RIPOR3: variants seen among roughly 807,000 people sequenced by gnomAD.
The protein encoded by RIPOR3 is RIPOR family member 3, also known as family with sequence similarity 65 member C.
In RIPOR3, 95 loss-of-function variants were observed where a neutral mutation model predicts 114.3. The ratio of observed to expected loss-of-function variants is 0.83; its 90% CI spans 0.70 to 0.99. The LOEUF is 0.99. RIPOR3 is among the 50% of genes least tolerant of loss of function. The probability of loss-of-function intolerance (pLI) is 0.00; values close to 1 mark genes in which losing one functional copy is unlikely to be tolerated. For synonymous variants in RIPOR3, 575 were observed against 543.8 expected (o/e 1.06, Z -0.80); for missense variants, 1,252 against 1,266.9 (o/e 0.99, Z 0.18).
intron 11 of RIPOR3, among the ~76,000 whole-genome samples, chr20:50,605,153 G>A (rs748297187): frequency 9.9e-5 from 15 of 152,092 alleles, no homozygotes; most frequent in East Asian, 5.8e-4. Flanking sequence ...GGCTGGTCTC[G>A]AACTTCTGGG....
At chr20:50,651,483 A>C (rs13043463) in intron 1 of RIPOR3, among the ~76,000 whole-genome samples, 22,052 of 152,082 alleles carry the variant, frequency 0.15, 1,694 homozygotes, top group East Asian at 0.2. Context: ...ACCAATACAT[A>C]CTCTGTCAAG....
At chr20:50,659,120 T>C (rs1028108337) in intron 1 of RIPOR3, among the ~76,000 whole-genome samples, 1 of 152,218 alleles carries the variant, frequency 6.6e-6, no homozygotes, top group African/African-American at 2.4e-5. Context: ...TAAAACCCTT[T>C]TCCTGGTATG....
chr20:50,616,191 G>C (rs2084167261), intron 3 of RIPOR3, 111 bp from the exon 4 acceptor site: 1 of 1,051,284 alleles, frequency 9.5e-7, no homozygotes, highest in African/African-American at 1.6e-5. Flanking sequence ...GGCTCAGCGG[G>C]GCTCAGAGGC....
intron 1 of RIPOR3, among the ~76,000 whole-genome samples, chr20:50,685,196 T>C (rs534610834): frequency 3.0e-4 from 46 of 151,964 alleles, no homozygotes; most frequent in African/African-American, 1.0e-3. Flanking sequence ...AACTGAGCCC[T>C]TCTTGAGAGC....
intron 1 of RIPOR3, among the ~76,000 whole-genome samples, chr20:50,665,174 C>T (rs950394479): frequency 1.6e-4 from 24 of 151,688 alleles, no homozygotes; most frequent in African/African-American, 5.6e-4. Context: ...CGGTGGCTCA[C>T]GCCTGTAATC....
intron 13 of RIPOR3, among the ~76,000 whole-genome samples, chr20:50,597,995 C>G (rs1207276646): frequency 2.6e-5 from 4 of 152,210 alleles, no homozygotes; most frequent in African/African-American, 9.6e-5. Context: ...GGGGACAAGG[C>G]CAATGGCAGG....
chr20:50,642,535 G>A (rs1279334887), intron 1 of RIPOR3, among the ~76,000 whole-genome samples: 1 of 151,806 alleles, frequency 6.6e-6, no homozygotes, highest in Admixed American at 6.6e-5. Context: ...AATTCCCTGG[G>A]GGAGAAGCTT....
intron 1 of RIPOR3, among the ~76,000 whole-genome samples, chr20:50,650,235 C>T (rs912360122): frequency 3.3e-5 from 5 of 152,116 alleles, no homozygotes; most frequent in African/African-American, 9.7e-5. Context: ...ACCAGGCCTC[C>T]ACCCTCGAGA....
At chr20:50,668,374 G>A (rs2086332274) in intron 1 of RIPOR3, among the ~76,000 whole-genome samples, 1 of 152,094 alleles carries the variant, frequency 6.6e-6, no homozygotes, top group Admixed American at 6.6e-5. Flanking sequence ...TGGTCCCCTG[G>A]TGGTGCCAAC....
intron 1 of RIPOR3, 29 bp downstream of exon 1, chr20:50,691,097 C>T: frequency 2.3e-6 from 3 of 1,289,486 alleles, no homozygotes; most frequent in Non-Finnish European, 3.0e-6. Flanking sequence ...CGTCACGGCA[C>T]ACATGGGGAG....
At chr20:50,612,080 G>A (rs966707782) in intron 4 of RIPOR3, among the ~76,000 whole-genome samples, 3 of 150,034 alleles carry the variant, frequency 2.0e-5, no homozygotes, top group African/African-American at 4.9e-5. Flanking sequence ...ATCTAAGACC[G>A]TGCCACTGTA....
intron 1 of RIPOR3, among the ~76,000 whole-genome samples, chr20:50,679,179 T>A (rs199800835): frequency 2.0e-5 from 2 of 101,782 alleles, no homozygotes; most frequent in South Asian, 3.3e-4. Flanking sequence ...GAGAGAGAGA[T>A]ACACATATAA....
intron 1 of RIPOR3, among the ~76,000 whole-genome samples, chr20:50,663,923 CTCTT>C: frequency 7.9e-6 from 1 of 126,798 alleles, no homozygotes; most frequent in Non-Finnish European, 1.6e-5. Flanking sequence ...CTCTCTCTCT[CTCTT>C]TTTTTTTTTT....
intron 1 of RIPOR3, among the ~76,000 whole-genome samples, chr20:50,679,061 C>A (rs2086766187): frequency 8.1e-6 from 1 of 123,490 alleles, no homozygotes; most frequent in African/African-American, 3.1e-5. Context: ...GCCAGGATTG[C>A]ACCACTACAC....
At chr20:50,642,264 G>A (rs1356361617) in intron 1 of RIPOR3, among the ~76,000 whole-genome samples, 1 of 151,476 alleles carries the variant, frequency 6.6e-6, no homozygotes, top group Non-Finnish European at 1.5e-5. Context: ...ATTGCTGGGA[G>A]CGGCTGATAA....
chr20:50,652,589 TCAAAAAA>T (rs1568927271), intron 1 of RIPOR3, among the ~76,000 whole-genome samples: 1 of 25,028 alleles, frequency 4.0e-5, no homozygotes, highest in Non-Finnish European at 7.6e-5. Context: ...AGATTCTGTC[TCAAAAAA>T]AAAAAAAAAA....
rs548052557 is a variant in RIPOR3 at position 50,629,532 on chromosome 20, G to A, written c.122+1206C>T. Among the ~76,000 whole-genome samples, 6 of 152,284 alleles carry A rather than the reference G, an allele frequency of 3.9e-5. No homozygotes were observed. In the South Asian group the frequency reaches 6.2e-4, roughly 16 times the overall value. On this transcript the variant is annotated intron_variant, in intron 2 of 21. Transcript: ENST00000327979. ...TCCCAGGGACTTAGTACCTAAAGCC[G>A]GAGGAGACACAGGACGGGGCAGCAG...
chr20:50,606,887 G>A (rs766170028), intron 11 of RIPOR3, among the ~76,000 whole-genome samples: 15 of 152,130 alleles, frequency 9.9e-5, no homozygotes, highest in Admixed American at 4.6e-4. Context: ...GTGCCACCAC[G>A]CCTGGCTAAT....
intron 1 of RIPOR3, among the ~76,000 whole-genome samples, chr20:50,655,286 G>A (rs1311484367): frequency 6.6e-6 from 1 of 152,210 alleles, no homozygotes; most frequent in East Asian, 1.9e-4. Flanking sequence ...GGGAAACAAA[G>A]TGACAAACCC....
Sources: allele counts gnomAD v4.1 joint callset (sites outside exome capture counted in the v4.1 genomes callset), GRCh38; gene constraint gnomAD v4.1.1; transcripts MANE v1.5; gene names NCBI Gene and HGNC (gene_info 2026-07-23, HGNC 2026-07-21).